ATP6V1A: variants seen among roughly 807,000 people sequenced by gnomAD.
ATP6V1A encodes the protein ATPase H+ transporting V1 subunit A.
A neutral mutation model predicts 70.1 loss-of-function variants in ATP6V1A; 18 were observed. The ratio of observed to expected loss-of-function variants is 0.26; its 90% CI spans 0.18 to 0.38. The LOEUF (loss-of-function observed/expected upper bound fraction) is 0.38. ATP6V1A is among the 10% of genes least tolerant of loss of function. The probability of loss-of-function intolerance (pLI) is 1.00; values close to 1 mark genes in which losing one functional copy is unlikely to be tolerated. For synonymous variants in ATP6V1A, 232 were observed against 253.8 expected, an observed-to-expected ratio of 0.91 and a Z score of 0.82; for missense variants, 424 against 772.4, an observed-to-expected ratio of 0.55 and a Z score of 5.35.
intron 11 of ATP6V1A, among the ~76,000 whole-genome samples, chr3:113,797,743 G>A (rs1047707106): frequency 6.6e-6 from 1 of 152,174 alleles, no homozygotes; most frequent in African/African-American, 2.4e-5. Context: ...CTTGGAAAAT[G>A]AAAGGAAATA....
chr3:113,792,126 C>G (rs558326191), intron 8 of ATP6V1A, among the ~76,000 whole-genome samples: 1 of 152,270 alleles, frequency 6.6e-6, no homozygotes, highest in African/African-American at 2.4e-5. Context: ...GAGACAGTGA[C>G]ATATTCATCT....
Position 113,759,908 on chromosome 3 carries a change from C to T in ATP6V1A, c.-14+12795C>T, listed in dbSNP as rs76082948. ...GGGTGTTCAATAAACAAAGCAGAGG[C>T]GGTCCCTGTTTTTCTAGCATTTATA... On this transcript the variant is annotated intron_variant, in intron 1 of 14. Coordinates refer to ENST00000273398, the MANE Select transcript of ATP6V1A (RefSeq NM_001690.4). Among the ~76,000 whole-genome samples, 1,373 of 152,266 alleles carry T rather than the reference C, an allele frequency of 9.0e-3. 20 individuals carry two copies. The highest frequency in any genetic ancestry group is 0.063 in the South Asian group (306 of 4,826).
intron 10 of ATP6V1A, 119 bp from the exon 11 acceptor site, chr3:113,795,740 TAAAGTTATTTACATTAA>T (rs1337706436): frequency 4.8e-5 from 33 of 687,330 alleles, no homozygotes; most frequent in Non-Finnish European, 7.0e-5. Context: ...AGGTCATTTC[TAAAGTTATTTACATTAA>T]AAAGTTATTT....
intron 1 of ATP6V1A, among the ~76,000 whole-genome samples, chr3:113,766,418 C>CT (rs1207590070): frequency 6.6e-6 from 1 of 152,136 alleles, no homozygotes; most frequent in East Asian, 1.9e-4. Flanking sequence ...CTTCAACCTC[C>CT]TAAGTAGCTG....
chr3:113,796,809 A>G (rs779065046), intron 11 of ATP6V1A, among the ~76,000 whole-genome samples: 71 of 152,254 alleles, frequency 4.7e-4, no homozygotes, highest in Non-Finnish European at 7.8e-4. Context: ...ATGGGGAAAG[A>G]GGGAACAGAG....
intron 14 of ATP6V1A, among the ~76,000 whole-genome samples, chr3:113,807,129 A>G (rs572458098): frequency 1.3e-4 from 20 of 151,964 alleles, no homozygotes; most frequent in Non-Finnish European, 2.8e-4. Context: ...GGAAGTAATC[A>G]GAATTTTGAT....
intron 6 of ATP6V1A, among the ~76,000 whole-genome samples, chr3:113,786,586 G>T (rs921153518): frequency 4.6e-5 from 7 of 151,796 alleles, no homozygotes; most frequent in African/African-American, 1.7e-4. Flanking sequence ...TTTCATGGTT[G>T]CCCCCAGAAA....
At chr3:113,756,159 A>C (rs1435916742) in intron 1 of ATP6V1A, among the ~76,000 whole-genome samples, 2 of 152,180 alleles carry the variant, frequency 1.3e-5, no homozygotes, top group Non-Finnish European at 2.9e-5. Flanking sequence ...CACAGTTTAT[A>C]AGTGGTAGGG....
rs189602400 is a variant in ATP6V1A, at chr3:113,811,404, T to G, written c.*1977T>G. On this transcript the variant is annotated 3_prime_UTR_variant, in exon 15 of 15. Coordinates refer to ENST00000273398, the MANE Select transcript of ATP6V1A (RefSeq NM_001690.4). The stretch of plus-strand genomic sequence containing the variant: ...AACCTTTGAGAACATTGACAGAAAT[T>G]ATGCAATGGTTTGTTGAGATACGGA... 3.0e-3 allele frequency: 461 copies of G among 152,714 alleles called. 1 individual carries two copies. The highest frequency in any genetic ancestry group is 5.3e-3 in the Non-Finnish European group (360 of 68,032). 9.5% of individuals were successfully genotyped at this position (152,714 alleles called of 1,614,324 possible).
intron 3 of ATP6V1A, among the ~76,000 whole-genome samples, chr3:113,783,361 T>G (rs956073562): frequency 6.6e-6 from 1 of 152,246 alleles, no homozygotes; most frequent in African/African-American, 2.4e-5. Context: ...GTACTGATTT[T>G]ACTCCTGTCA....
At chr3:113,807,710 A>G (rs1054306886) in intron 14 of ATP6V1A, among the ~76,000 whole-genome samples, 12 of 152,214 alleles carry the variant, frequency 7.9e-5, no homozygotes, top group African/African-American at 2.7e-4. Context: ...ACCTGTAGTA[A>G]TGATGATTTC....
rs1161598247 is a variant in ATP6V1A, at chr3:113,791,271, T to C, written c.988+1431T>C. Among the ~76,000 whole-genome samples the C allele has an allele frequency of 4.6e-5, 7 of 152,278 alleles. No individual in the cohort carries two copies. In the East Asian group the frequency reaches 1.2e-3, roughly 25 times the overall value. ...CACAGGATAAATGGTATTTATTCTT[T>C]GTGTTGCTTCTAATGAAACCTTCAC... On this transcript the variant is annotated intron_variant, in intron 8 of 14. Transcript: ENST00000273398.
intron 1 of ATP6V1A, among the ~76,000 whole-genome samples, chr3:113,762,909 A>G (rs188356572): frequency 2.1e-4 from 32 of 152,290 alleles, no homozygotes; most frequent in African/African-American, 7.2e-4. Context: ...TGCCAAATAT[A>G]TTCTCAGAAA....
chr3:113,782,574 G>GTA (rs1491517072), intron 3 of ATP6V1A, among the ~76,000 whole-genome samples: 8 of 135,096 alleles, frequency 5.9e-5, no homozygotes, highest in South Asian at 4.7e-4. Flanking sequence ...ATATATATAC[G>GTA]TATATATATA....
chr3:113,776,855 T>G (rs1708919417), intron 1 of ATP6V1A, among the ~76,000 whole-genome samples: 1 of 152,246 alleles, frequency 6.6e-6, no homozygotes, highest in Non-Finnish European at 1.5e-5. Flanking sequence ...CTGAATGTTT[T>G]TCTCCATTCT....
intron 1 of ATP6V1A, among the ~76,000 whole-genome samples, chr3:113,775,896 C>T (rs1708905967): frequency 6.6e-6 from 1 of 152,196 alleles, no homozygotes; most frequent in African/African-American, 2.4e-5. Context: ...CTTTTCCCAA[C>T]CTATTGTCCA....
chr3:113,773,179 C>T (rs1204693502), intron 1 of ATP6V1A, among the ~76,000 whole-genome samples: 1 of 151,952 alleles, frequency 6.6e-6, no homozygotes, highest in African/African-American at 2.4e-5. Flanking sequence ...ACCTCGTGAT[C>T]CACCCGCCTT....
At chr3:113,762,201 A>G (rs1344387384) in intron 1 of ATP6V1A, among the ~76,000 whole-genome samples, 2 of 143,446 alleles carry the variant, frequency 1.4e-5, no homozygotes, top group African/African-American at 5.2e-5. Flanking sequence ...TTTTTAAAGT[A>G]GTCATACAGT....
At chr3:113,780,668 A>G in intron 2 of ATP6V1A, 1 of 1,070,250 alleles carries the variant, frequency 9.3e-7, no homozygotes, top group Non-Finnish European at 1.2e-6. Flanking sequence ...GCATTCTACC[A>G]TACTACTAGC....
Sources: allele counts gnomAD v4.1 joint callset (sites outside exome capture counted in the v4.1 genomes callset), GRCh38; gene constraint gnomAD v4.1.1; transcripts MANE v1.5; gene names NCBI Gene and HGNC (gene_info 2026-07-23, HGNC 2026-07-21).